Variants in CNTN4 observed in about 807,000 individuals in gnomAD.
The protein encoded by CNTN4 is contactin 4, also known as contactin-4.
A neutral mutation model predicts 122.5 loss-of-function variants in CNTN4; 77 were observed. The ratio of observed to expected loss-of-function variants is 0.63; its 90% confidence interval spans 0.52 to 0.76. The LOEUF is 0.76. Among genes scored for constraint, CNTN4 ranks in the 30% least tolerant of loss-of-function variants. CNTN4 has a pLI of 0.00. For synonymous variants in CNTN4, 512 were observed against 447.0 expected (o/e 1.15, Z -1.83); for missense variants, 1,256 against 1,259.1 (o/e 1.00, Z 0.04).
chr3:2,494,962 A>G (rs1012638926), intron 3 of CNTN4, among the ~76,000 whole-genome samples: 4 of 152,202 alleles, frequency 2.6e-5, no homozygotes, highest in Non-Finnish European at 4.4e-5. Flanking sequence ...TTGAGGTATT[A>G]TGAAAAACTA....
chr3:2,925,853 G>C (rs1212565647), intron 13 of CNTN4, 74 bp downstream of exon 13: 3 of 1,311,228 alleles, frequency 2.3e-6, no homozygotes, highest in Non-Finnish European at 3.3e-6. Flanking sequence ...TAATTCTAAG[G>C]GGAAGGTGGG....
intron 4 of CNTN4, among the ~76,000 whole-genome samples, chr3:2,631,896 T>G (rs976491738): frequency 8.1e-6 from 1 of 123,738 alleles, no homozygotes; most frequent in Non-Finnish European, 1.7e-5. Flanking sequence ...AAACAACAAC[T>G]AAAAAATTAG....
At chr3:2,529,560 T>C (rs1377713390) in intron 3 of CNTN4, among the ~76,000 whole-genome samples, 2 of 152,190 alleles carry the variant, frequency 1.3e-5, no homozygotes, top group Non-Finnish European at 2.9e-5. Context: ...AATACATGTA[T>C]TACTTACTAT....
Position 2,350,968 on chromosome 3 carries a change from T to C in CNTN4, c.-89+11735T>C, listed in dbSNP as rs150768459. Among the ~76,000 whole-genome samples the C allele has an allele frequency of 1.3e-3, 205 of 152,292 alleles. 1 individual carries two copies. The highest frequency in any genetic ancestry group is 4.8e-3 in the African/African-American group (200 of 41,568). ...TAATGCAGCCTCCCAACGCATGATATAGTCTGCAATGAAAATGGCCCAAAA... is the reference window on the plus strand; with the variant it reads ...TAATGCAGCCTCCCAACGCATGATACAGTCTGCAATGAAAATGGCCCAAAA... On this transcript the variant is annotated intron_variant, in intron 3 of 24. Coordinates refer to ENST00000418658, the MANE Select transcript of CNTN4 (RefSeq NM_175607.3).
At chr3:2,383,075 CA>C (rs1164660732) in intron 3 of CNTN4, among the ~76,000 whole-genome samples, 637 of 120,866 alleles carry the variant, frequency 5.3e-3, no homozygotes, top group Middle Eastern at 0.014. Flanking sequence ...AAATCCATCT[CA>C]AAAAAAAAAA....
chr3:2,498,812 T>C lies in CNTN4; in HGVS notation c.-88-72604T>C, dbSNP rs530111159. 1.4e-3 allele frequency among the ~76,000 whole-genome samples: 209 copies of C among 151,868 alleles called. 1 individual carries two copies. The highest frequency in any genetic ancestry group is 4.8e-3 in the African/African-American group (199 of 41,434). ...ATTGATGGTGCTTTTTTTTTTGAGA[T>C]GAAGTCTTGCTCTGTTGCCCAGGTA... is the stretch of plus-strand genomic sequence containing the variant. On this transcript the variant is annotated intron_variant, in intron 3 of 24. Coordinates refer to ENST00000418658, the MANE Select transcript of CNTN4 (RefSeq NM_175607.3).
chr3:2,850,967 G>A (rs551702871), intron 7 of CNTN4, among the ~76,000 whole-genome samples: 2 of 152,312 alleles, frequency 1.3e-5, no homozygotes, highest in East Asian at 3.9e-4. Context: ...AAGGGAGCCT[G>A]AGAGAGGAAG....
chr3:2,156,005 T>A (rs13324793), intron 2 of CNTN4, among the ~76,000 whole-genome samples: 1 of 152,054 alleles, frequency 6.6e-6, no homozygotes, highest in Non-Finnish European at 1.5e-5. Context: ...CTCGGGTTGC[T>A]TTTTCTCTTC....
intron 3 of CNTN4, among the ~76,000 whole-genome samples, chr3:2,427,439 G>A (rs1473463078): frequency 6.6e-6 from 1 of 152,198 alleles, no homozygotes; most frequent in Middle Eastern, 3.2e-3. Context: ...CTGAGAGACA[G>A]TTTGTTATAC....
intron 12 of CNTN4, among the ~76,000 whole-genome samples, chr3:2,907,455 C>T (rs2094248878): frequency 6.6e-6 from 1 of 152,042 alleles, no homozygotes. Context: ...TGCTTGTCGT[C>T]CCAGCTATCT....
At chr3:2,455,333 C>T (rs1042325243) in intron 3 of CNTN4, among the ~76,000 whole-genome samples, 2 of 152,126 alleles carry the variant, frequency 1.3e-5, no homozygotes, top group Admixed American at 1.3e-4. Context: ...GTGTAATGAA[C>T]TGTTACCACC....
chr3:2,296,694 G>A (rs879780821), intron 2 of CNTN4, among the ~76,000 whole-genome samples: 2 of 151,442 alleles, frequency 1.3e-5, no homozygotes, highest in Non-Finnish European at 2.9e-5. Context: ...AGAACAAAAG[G>A]GCACAAGAAG....
At chr3:2,799,195 T>G (rs1296365227) in intron 6 of CNTN4, among the ~76,000 whole-genome samples, 2 of 152,150 alleles carry the variant, frequency 1.3e-5, no homozygotes, top group East Asian at 3.9e-4. Flanking sequence ...TATAGGTTTT[T>G]GTTGTTGTTG....
chr3:2,217,901 T>C lies in CNTN4; in HGVS notation c.-145+117262T>C, dbSNP rs2149475164. Among the ~76,000 whole-genome samples, 2 of 152,064 alleles carry C rather than the reference T, an allele frequency of 1.3e-5. 1 individual carries two copies. The highest frequency in any genetic ancestry group is 6.8e-3 in the Middle Eastern group (2 of 292). On this transcript the variant is annotated intron_variant, in intron 2 of 24. Transcript: ENST00000418658. ...CTAGATGCTAGGAGTAAAAAGAGAG[T>C]GATAAATAAATCAAACGTAGATCTA...
intron 4 of CNTN4, among the ~76,000 whole-genome samples, chr3:2,595,886 G>C (rs1300054963): frequency 5.3e-5 from 8 of 152,168 alleles, no homozygotes; most frequent in Admixed American, 5.2e-4. Context: ...TCATCATTTA[G>C]TGGAAACCTC....
At chr3:2,663,378 A>G (rs4234549) in intron 4 of CNTN4, among the ~76,000 whole-genome samples, 25,772 of 152,158 alleles carry the variant, frequency 0.17, 2,587 homozygotes, top group South Asian at 0.33. Flanking sequence ...GAATGTAAAA[A>G]GTGAGGAAGA....
intron 13 of CNTN4, among the ~76,000 whole-genome samples, chr3:2,932,840 A>T (rs898697959): frequency 2.0e-5 from 3 of 151,040 alleles, no homozygotes; most frequent in African/African-American, 7.3e-5. Context: ...TTATTTATTT[A>T]GAGACGGAGT....
chr3:2,472,555 C>T (rs1239475581), intron 3 of CNTN4, among the ~76,000 whole-genome samples: 1 of 151,978 alleles, frequency 6.6e-6, no homozygotes, highest in African/African-American at 2.4e-5. Context: ...ACAAATTTTA[C>T]TTACATGGTA....
At chr3:2,507,114 C>T (rs533350684) in intron 3 of CNTN4, among the ~76,000 whole-genome samples, 17 of 152,228 alleles carry the variant, frequency 1.1e-4, no homozygotes, top group African/African-American at 4.1e-4. Flanking sequence ...ATGTAGAGCA[C>T]CAACATTTAT....
Sources: allele counts gnomAD v4.1 joint callset (sites outside exome capture counted in the v4.1 genomes callset), GRCh38; gene constraint gnomAD v4.1.1; transcripts MANE v1.5; gene names NCBI Gene and HGNC (gene_info 2026-07-23, HGNC 2026-07-21).